The following CCSER1 variants were observed in gnomAD, a reference collection of about 807,000 sequenced individuals.
The protein encoded by CCSER1 is coiled-coil serine rich protein 1, also known as serine-rich coiled-coil domain-containing protein 1.
In CCSER1, 41 loss-of-function variants were observed where a neutral mutation model predicts 82.0. The ratio of observed to expected loss-of-function variants is 0.50; its 90% CI spans 0.39 to 0.65. The LOEUF is 0.65. Among genes scored for constraint, CCSER1 ranks in the 30% least tolerant of loss-of-function variants. CCSER1 has a pLI of 0.00. For synonymous variants in CCSER1, 414 were observed against 383.9 expected (o/e 1.08, Z -0.92); for missense variants, 1,119 against 1,064.2 (o/e 1.05, Z -0.72).
At chr4:90,279,068 T>C (rs1578921637) in intron 1 of CCSER1, among the ~76,000 whole-genome samples, 1 of 151,394 alleles carries the variant, frequency 6.6e-6, no homozygotes, top group Admixed American at 6.6e-5. Context: ...ATAATGGCAC[T>C]TTTTTCCTGC....
At chr4:90,883,366 A>C (rs1721630047) in intron 8 of CCSER1, among the ~76,000 whole-genome samples, 1 of 152,218 alleles carries the variant, frequency 6.6e-6, no homozygotes, top group East Asian at 1.9e-4. Flanking sequence ...TAAAAATGGT[A>C]CATTTAAATT....
chr4:91,077,281 G>A (rs910108732), intron 9 of CCSER1, among the ~76,000 whole-genome samples: 3 of 152,268 alleles, frequency 2.0e-5, no homozygotes, highest in East Asian at 3.9e-4. Context: ...TTTAATGCAA[G>A]CCTCAAAGGA....
chr4:91,589,974 C>A (rs1764189675), intron 10 of CCSER1, among the ~76,000 whole-genome samples: 1 of 151,912 alleles, frequency 6.6e-6, no homozygotes, highest in South Asian at 2.1e-4. Flanking sequence ...TTTGGTTCTG[C>A]CTAGAGTTCA....
At chr4:91,218,263 G>A (rs1008363431) in intron 10 of CCSER1, among the ~76,000 whole-genome samples, 1 of 152,172 alleles carries the variant, frequency 6.6e-6, no homozygotes, top group Admixed American at 6.5e-5. Context: ...GCTGCTCCGA[G>A]AGCGGGGCCC....
intron 8 of CCSER1, among the ~76,000 whole-genome samples, chr4:90,847,980 A>G (rs1350200068): frequency 6.6e-6 from 1 of 152,168 alleles, no homozygotes; most frequent in African/African-American, 2.4e-5. Context: ...CAAACTTAGT[A>G]TGTGGTAGTC....
intron 10 of CCSER1, among the ~76,000 whole-genome samples, chr4:91,540,533 TGCAAA>T (rs1347588206): frequency 6.6e-6 from 1 of 152,182 alleles, no homozygotes; most frequent in Admixed American, 6.6e-5. Flanking sequence ...TATTGTCTTT[TGCAAA>T]GCAAAAGTTT....
At position 90,807,833 on chromosome 4, in the gene CCSER1, A is replaced by G. The variant is rs904209417; in HGVS notation, c.2011-7929A>G. Among the ~76,000 whole-genome samples the G allele has an allele frequency of 3.3e-5, 5 of 152,160 alleles. 1 individual carries two copies. The highest frequency in any genetic ancestry group is 5.9e-5 in the Non-Finnish European group (4 of 68,018). On this transcript the variant is annotated intron_variant, in intron 7 of 10. Coordinates refer to ENST00000509176, the MANE Select transcript of CCSER1 (RefSeq NM_001145065.2). ...GACCATATTGTCCAAAGCAATCCAA[A>G]GATTCAATGCAATTCCTATAAAAAT...
intron 3 of CCSER1, among the ~76,000 whole-genome samples, chr4:90,349,676 T>C (rs1250720283): frequency 6.6e-6 from 1 of 152,132 alleles, no homozygotes; most frequent in African/African-American, 2.4e-5. Flanking sequence ...AAAGACTCCT[T>C]ATCTCTTAGT....
intron 7 of CCSER1, among the ~76,000 whole-genome samples, chr4:90,792,611 A>G (rs565366786): frequency 6.6e-6 from 1 of 152,348 alleles, no homozygotes; most frequent in South Asian, 2.1e-4. Flanking sequence ...ATGATGTGAC[A>G]GAATACATGG....
chr4:90,522,153 G>T (rs1240437998), intron 5 of CCSER1, among the ~76,000 whole-genome samples: 1 of 152,056 alleles, frequency 6.6e-6, no homozygotes, highest in African/African-American at 2.4e-5. Flanking sequence ...AATCTAAACT[G>T]ATTTTAGACT....
chr4:91,040,965 TTGAC>T (rs1741907813), intron 9 of CCSER1, among the ~76,000 whole-genome samples: 2 of 152,182 alleles, frequency 1.3e-5, no homozygotes, highest in South Asian at 2.1e-4. Flanking sequence ...AATGGAAAAA[TTGAC>T]TGTGTTTGTT....
intron 10 of CCSER1, among the ~76,000 whole-genome samples, chr4:91,423,712 TCTC>T (rs1753808251): frequency 2.0e-5 from 3 of 152,036 alleles, no homozygotes. Flanking sequence ...CTTACTAGCA[TCTC>T]CTAATATAAA....
At chr4:91,222,863 C>T (rs1303478141) in intron 10 of CCSER1, among the ~76,000 whole-genome samples, 1 of 152,036 alleles carries the variant, frequency 6.6e-6, no homozygotes, top group East Asian at 1.9e-4. Context: ...AAATAAATAG[C>T]CACATGTGGC....
chr4:91,267,792 T>C (rs552851080), intron 10 of CCSER1, among the ~76,000 whole-genome samples: 1 of 152,366 alleles, frequency 6.6e-6, no homozygotes. Flanking sequence ...CCTTTGGCTG[T>C]GCCTTGGGAA....
chr4:90,719,497 A>T (rs148872796), intron 6 of CCSER1, among the ~76,000 whole-genome samples: 1 of 152,172 alleles, frequency 6.6e-6, no homozygotes, highest in African/African-American at 2.4e-5. Flanking sequence ...ATTGTTTTCC[A>T]TGAAAACGGT....
At chr4:90,149,822 AAG>A (rs1468710657) in intron 1 of CCSER1, among the ~76,000 whole-genome samples, 1 of 152,174 alleles carries the variant, frequency 6.6e-6, no homozygotes, top group Non-Finnish European at 1.5e-5. Context: ...TAAAGAAAAA[AAG>A]AGCAATATAT....
chr4:91,014,078 A>G (rs2150509025), intron 9 of CCSER1, among the ~76,000 whole-genome samples: 1 of 133,942 alleles, frequency 7.5e-6, no homozygotes, highest in African/African-American at 2.5e-5. Flanking sequence ...ATAAGCCCGG[A>G]CATCACTTAA....
At position 91,557,924 on chromosome 4, in the gene CCSER1, A is replaced by G. The variant is rs1436000834; in HGVS notation, c.2218-40648A>G. 2.6e-5 allele frequency among the ~76,000 whole-genome samples: 4 copies of G among 151,332 alleles called. No homozygotes were observed. In the Admixed American group the frequency reaches 2.6e-4, roughly 10 times the overall value. The stretch of plus-strand genomic sequence containing the variant: ...AATGTAAGCATTTACATATTTATTT[A>G]TACTAAATCATGTTATACTAGGACC... On this transcript the variant is annotated intron_variant, in intron 10 of 10. Coordinates refer to ENST00000509176, the MANE Select transcript of CCSER1 (RefSeq NM_001145065.2).
intron 10 of CCSER1, among the ~76,000 whole-genome samples, chr4:91,313,565 C>T (rs771882326): frequency 6.6e-6 from 1 of 151,832 alleles, no homozygotes; most frequent in Non-Finnish European, 1.5e-5. Context: ...GCCATCAGCC[C>T]CTTGACTCTT....
Sources: gnomAD v4.1 joint callset for allele counts (sites outside exome capture counted in the v4.1 genomes callset) on GRCh38, gnomAD v4.1.1 for gene constraint, MANE v1.5 for transcripts, NCBI Gene and HGNC (gene_info 2026-07-23, HGNC 2026-07-21) for gene names.